JMJD1C: variants seen among roughly 807,000 people sequenced by gnomAD.
The protein encoded by JMJD1C is jumonji domain-containing protein 1C.
In JMJD1C, 31 loss-of-function variants were observed where a neutral mutation model predicts 245.3. The ratio of observed to expected loss-of-function variants is 0.13; its 90% CI spans 0.09 to 0.17. The LOEUF (loss-of-function observed/expected upper bound fraction) is 0.17. JMJD1C is among the 10% of genes least tolerant of loss of function. The pLI is 1.00. For synonymous variants in JMJD1C, 1,057 were observed against 1,017.4 expected, an observed-to-expected ratio of 1.04 and a Z score of -0.74; for missense variants, 2,691 against 3,000.2, an observed-to-expected ratio of 0.90 and a Z score of 2.41.
chr10:63,325,118 T>C (rs529408938), intron 2 of JMJD1C, among the ~76,000 whole-genome samples: 21 of 152,340 alleles, frequency 1.4e-4, no homozygotes, highest in African/African-American at 4.8e-4. Context: ...ATCAAGCTCA[T>C]AGCTACTGAT....
chr10:63,236,954 T>C (rs189561091), intron 3 of JMJD1C, among the ~76,000 whole-genome samples: 5 of 144,744 alleles, frequency 3.5e-5, no homozygotes, highest in South Asian at 2.3e-4. Flanking sequence ...TCTAAATATA[T>C]ATTTAAAAAC....
rs545488543 is a variant in JMJD1C, at chr10:63,403,496, G to C, written c.169-23014C>G. Among the ~76,000 whole-genome samples, 228 of 152,302 alleles carry C rather than the reference G, an allele frequency of 1.5e-3. 1 individual carries two copies. Among genetic ancestry groups the C allele is most frequent in the Non-Finnish European group, 3.4e-4 (23 of 68,018 alleles). ...TTGAACACAATGTCTTTGAGCCTTA[G>C]TTTTCAAGTTAGTCAAAATTAATAG... On this transcript the variant is annotated intron_variant, in intron 1 of 25. Coordinates refer to ENST00000399262, the MANE Select transcript of JMJD1C (RefSeq NM_032776.3).
At chr10:63,388,130 A>C (rs1158493266) in intron 1 of JMJD1C, among the ~76,000 whole-genome samples, 1 of 152,182 alleles carries the variant, frequency 6.6e-6, no homozygotes, top group Non-Finnish European at 1.5e-5. Context: ...ACTCAGATAA[A>C]GCACAAAGAT....
At chr10:63,273,456 C>A (rs551726022) in intron 2 of JMJD1C, among the ~76,000 whole-genome samples, 64 of 152,260 alleles carry the variant, frequency 4.2e-4, no homozygotes, top group Non-Finnish European at 7.6e-4. Flanking sequence ...ACATAGAGAA[C>A]CCACTTGGTA....
At chr10:63,172,458 C>CT (rs1842461913) in intron 24 of JMJD1C, among the ~76,000 whole-genome samples, 1 of 152,146 alleles carries the variant, frequency 6.6e-6, no homozygotes, top group Non-Finnish European at 1.5e-5. Flanking sequence ...AACGTATTTT[C>CT]TGGCCTTCAG....
intron 1 of JMJD1C, among the ~76,000 whole-genome samples, chr10:63,412,881 A>G (rs1589699069): frequency 6.6e-6 from 1 of 152,210 alleles, no homozygotes; most frequent in Non-Finnish European, 1.5e-5. Context: ...ATTTTGCAAT[A>G]TATTTATTTA....
intron 1 of JMJD1C, among the ~76,000 whole-genome samples, chr10:63,477,182 A>G (rs1953688869): frequency 1.3e-5 from 2 of 152,188 alleles, no homozygotes; most frequent in African/African-American, 4.8e-5. Context: ...CTGCAAATTT[A>G]AAGCAATCCC....
intron 2 of JMJD1C, among the ~76,000 whole-genome samples, chr10:63,321,084 T>C (rs1175583900): frequency 6.6e-6 from 1 of 152,192 alleles, no homozygotes; most frequent in Non-Finnish European, 1.5e-5. Context: ...CAAGAACACA[T>C]CCACGTGCCA....
chr10:63,261,398 T>C (rs538851994), intron 3 of JMJD1C, among the ~76,000 whole-genome samples: 2 of 152,116 alleles, frequency 1.3e-5, no homozygotes, highest in African/African-American at 4.8e-5. Context: ...CTGGTCAACA[T>C]GGCGAAAACC....
chr10:63,184,434 G>A (rs1843873127), intron 21 of JMJD1C, among the ~76,000 whole-genome samples, 174 bp downstream of exon 21: 1 of 152,200 alleles, frequency 6.6e-6, no homozygotes, highest in Non-Finnish European at 1.5e-5. Flanking sequence ...AGTAGAGACA[G>A]GGTTTCACCA....
intron 20 of JMJD1C, 66 bp from the exon 21 acceptor site, chr10:63,184,804 TA>T (rs963463191): frequency 6.8e-7 from 1 of 1,466,374 alleles, no homozygotes; most frequent in Non-Finnish European, 9.2e-7. Context: ...TTCACATATA[TA>T]ATTTTCAAGT....
chr10:63,377,334 C>G (rs1263804918), intron 2 of JMJD1C, among the ~76,000 whole-genome samples: 1 of 152,136 alleles, frequency 6.6e-6, no homozygotes, highest in Non-Finnish European at 1.5e-5. Flanking sequence ...AGTGGTAACA[C>G]ACAACACGAA....
At position 63,506,345 on chromosome 10, in the gene JMJD1C, T is replaced by C. The variant is rs980110610; in HGVS notation, n.113+15393A>G. Among the ~76,000 whole-genome samples the C allele has an allele frequency of 2.6e-5, 4 of 152,208 alleles. No individual in the cohort carries two copies. In the East Asian group the frequency reaches 7.7e-4, roughly 29 times the overall value. On this transcript the variant is annotated intron_variant and non_coding_transcript_variant, in intron 1 of 3. Coordinates refer to the JMJD1C transcript ENST00000633035. ...GCAAGGAAAAGAGAAAAGGAACTTG[T>C]AAAAAATATTAATGTGGTTATGAAT...
At chr10:63,282,933 G>A (rs906999490) in intron 2 of JMJD1C, among the ~76,000 whole-genome samples, 2 of 152,178 alleles carry the variant, frequency 1.3e-5, no homozygotes, top group African/African-American at 4.8e-5. Flanking sequence ...AGCCAAGATG[G>A]CCTCGGTCTC....
At chr10:63,274,741 C>T (rs1407094658) in intron 2 of JMJD1C, among the ~76,000 whole-genome samples, 1 of 152,118 alleles carries the variant, frequency 6.6e-6, no homozygotes, top group Non-Finnish European at 1.5e-5. Context: ...AACATTGTAG[C>T]ACATTCATTC....
At chr10:63,357,374 T>C (rs560961864) in intron 2 of JMJD1C, among the ~76,000 whole-genome samples, 176 of 152,266 alleles carry the variant, frequency 1.2e-3, no homozygotes, top group African/African-American at 4.1e-3. Flanking sequence ...GGCACAATAC[T>C]GGCTCACAGC....
At position 63,274,875 on chromosome 10, in the gene JMJD1C, C is replaced by T. The variant is rs576401856; in HGVS notation, c.334-10111G>A. ...GAGTATTCAGTCTTTTATAAGAGAA[C>T]GGAATACAGTAATCATACAAATCAA... On this transcript the variant is annotated intron_variant, in intron 2 of 25. Transcript: ENST00000399262. Among the ~76,000 whole-genome samples, 13 of 152,052 alleles carry T rather than the reference C, an allele frequency of 8.5e-5. No individual in the cohort carries two copies. The South Asian group carries it at 1.9e-3, about 22-fold the overall frequency.
rs551169352 is a variant in JMJD1C, at chr10:63,225,887, C to T, written c.448-5904G>A. 2.6e-5 allele frequency among the ~76,000 whole-genome samples: 4 copies of T among 151,988 alleles called. No individual in the cohort carries two copies. The East Asian group carries it at 7.7e-4, about 29-fold the overall frequency. Reference sequence around the variant, plus strand: ...TAACAACTTTGTGAGCTGATATACACAGTATGTTCAGAGAGGTTCATGGTT... The same window carrying T: ...TAACAACTTTGTGAGCTGATATACATAGTATGTTCAGAGAGGTTCATGGTT... On this transcript the variant is annotated intron_variant, in intron 3 of 25. Coordinates refer to ENST00000399262, the MANE Select transcript of JMJD1C (RefSeq NM_032776.3).
At chr10:63,202,768 AT>A (rs1846171091) in intron 10 of JMJD1C, 2 of 985,176 alleles carry the variant, frequency 2.0e-6, no homozygotes, top group South Asian at 9.4e-5. Flanking sequence ...TGCAAAAGAG[AT>A]TTTTCCTATG....
Sources: allele counts gnomAD v4.1 joint callset (sites outside exome capture counted in the v4.1 genomes callset), GRCh38; gene constraint gnomAD v4.1.1; transcripts MANE v1.5; gene names NCBI Gene and HGNC (gene_info 2026-07-23, HGNC 2026-07-21).